The following TRPM2 variants were observed in gnomAD, a reference collection of about 807,000 sequenced individuals.
TRPM2 encodes estrogen-responsive element-associated gene 1 protein.
In TRPM2, 161 loss-of-function variants were observed where a neutral mutation model predicts 174.0. That is an observed-to-expected ratio of 0.93 (90% confidence interval 0.81 to 1.05). The LOEUF (loss-of-function observed/expected upper bound fraction) is 1.05, where lower values mean the gene tolerates loss of function less well. TRPM2 is among the 50% of genes least tolerant of loss of function. TRPM2 has a pLI of 0.00. For missense variants in TRPM2, 2,057 were observed against 2,038.0 expected (o/e 1.01, Z -0.18); for synonymous variants, 954 against 861.3 (o/e 1.11, Z -1.88).
chr21:44,437,226 T>C, intron 29 of TRPM2, 59 bp downstream of exon 29: 2 of 1,466,370 alleles, frequency 1.4e-6, no homozygotes, highest in Non-Finnish European at 1.9e-6. Flanking sequence ...CACTCGTCCA[T>C]TCATCCATTC....
At chr21:44,426,813 G>A (rs1186283879) in intron 26 of TRPM2, 77 bp downstream of exon 26, 14 of 1,566,692 alleles carry the variant, frequency 8.9e-6, no homozygotes, top group African/African-American at 1.4e-5. Flanking sequence ...GAGAATCCCA[G>A]TCAGAGCCCA....
chr21:44,351,002 T>C (rs1029637963), upstream of TRPM2, among the ~76,000 whole-genome samples: 10 of 152,064 alleles, frequency 6.6e-5, no homozygotes, highest in African/African-American at 2.4e-4. Context: ...TTTCAGAAGA[T>C]GCCCGAGCAA....
intron 1 of TRPM2, 118 bp downstream of exon 1, chr21:44,353,983 C>G: frequency 7.9e-7 from 1 of 1,258,586 alleles, no homozygotes; most frequent in East Asian, 2.9e-5. Flanking sequence ...ACCTTGGGGG[C>G]TCCTGCCCAA....
chr21:44,400,507 G>C, intron 15 of TRPM2, 136 bp downstream of exon 15: 1 of 787,660 alleles, frequency 1.3e-6, no homozygotes, highest in Admixed American at 2.6e-5. Flanking sequence ...TGGATCCTGG[G>C]GCTGTAGAGA....
At chr21:44,352,663 T>G (rs2123002462), upstream of TRPM2, among the ~76,000 whole-genome samples, 10 of 152,296 alleles carry the variant, frequency 6.6e-5, no homozygotes, top group East Asian at 1.9e-3. Context: ...ACTGTGGGTG[T>G]CAGGGACTCA....
chr21:44,428,756 C>T (rs906562319), intron 27 of TRPM2, among the ~76,000 whole-genome samples: 4 of 149,010 alleles, frequency 2.7e-5, no homozygotes, highest in Non-Finnish European at 6.0e-5. Context: ...GTGGCTCTTC[C>T]CTGAGGTGTG....
In TRPM2 at chr21:44,367,411, G is replaced by A. The variant is rs1409361918; in HGVS notation, c.604+477G>A. Among the ~76,000 whole-genome samples the A allele has an allele frequency of 2.0e-5, 3 of 152,230 alleles. No homozygotes were observed. Among genetic ancestry groups the A allele is most frequent in the African/African-American group, 7.2e-5 (3 of 41,454 alleles). On this transcript the variant is annotated intron_variant, in intron 4 of 31. Coordinates refer to ENST00000397928, the MANE Select transcript of TRPM2 (RefSeq NM_003307.4). This position sits in a 1 kb window ranked among gnomAD's most constrained non-coding sequence, Gnocchi z 4.6. ...ATCGTGTTTTTCCATCAAAATCAGG[G>A]AAGGAGCATTATTATTTCCATCTCT... is the stretch of plus-strand genomic sequence containing the variant.
chr21:44,356,108 G>A, intron 2 of TRPM2, among the ~76,000 whole-genome samples: 1 of 134,258 alleles, frequency 7.4e-6, no homozygotes, highest in Non-Finnish European at 1.6e-5. Context: ...ACTTTGGGAG[G>A]CCGAGGCAGG....
chr21:44,386,034 C>T (rs146398032), intron 9 of TRPM2, among the ~76,000 whole-genome samples: 317 of 152,258 alleles, frequency 2.1e-3, no homozygotes, highest in African/African-American at 7.5e-3. Flanking sequence ...CTACAACATA[C>T]CCCTGAACTA....
At chr21:44,378,552 C>T (rs2048777765) in intron 7 of TRPM2, among the ~76,000 whole-genome samples, 1 of 152,298 alleles carries the variant, frequency 6.6e-6, no homozygotes, top group East Asian at 1.9e-4. Flanking sequence ...GGCCGATGCT[C>T]ATGCACACGG....
intron 22 of TRPM2, among the ~76,000 whole-genome samples, chr21:44,420,181 TC>T (rs1439605160): frequency 5.3e-5 from 8 of 152,090 alleles, no homozygotes; most frequent in Admixed American, 5.2e-4. Flanking sequence ...AACAGTCTTC[TC>T]CCAGAGAGAG....
rs45516594 is a variant in TRPM2 at position 44,379,002 on chromosome 21, C to T, written c.1020C>T (p.Ile340=). 12,914 of 1,604,848 alleles carry T rather than the reference C, an allele frequency of 8.0e-3. 547 individuals carry two copies. In the African/African-American group the frequency reaches 0.1, roughly 13 times the overall value. ...LEGGPGTLHT[I]DNATTNGTPC... Reference sequence around the variant, plus strand: ...CACCCCCACCTGCCTTGCAGACCATCGACAACGCCACCACCAACGGCACCC... The same window carrying T: ...CACCCCCACCTGCCTTGCAGACCATTGACAACGCCACCACCAACGGCACCC... Residue 340 remains isoleucine (I), a synonymous_variant, in exon 8 of 32, where the codon ATC becomes ATT. Transcript: ENST00000397928.
intron 8 of TRPM2, among the ~76,000 whole-genome samples, chr21:44,381,845 T>C (rs1602176962): frequency 1.3e-5 from 2 of 150,816 alleles, no homozygotes; most frequent in African/African-American, 4.9e-5. Context: ...AGGTGGAGGT[T>C]GCAGTGACCC....
At chr21:44,405,036 A>G in intron 16 of TRPM2, 106 bp from the exon 17 acceptor site, 5 of 1,450,666 alleles carry the variant, frequency 3.4e-6, no homozygotes, top group Non-Finnish European at 4.8e-6. Flanking sequence ...TAGTGATGAT[A>G]GTGACAGTGA....
intron 13 of TRPM2, among the ~76,000 whole-genome samples, chr21:44,398,825 G>A (rs1469571422): frequency 1.3e-5 from 2 of 152,168 alleles, no homozygotes; most frequent in African/African-American, 2.4e-5. Flanking sequence ...GCCTCTGGCT[G>A]CGTGACTCCT....
At chr21:44,430,055 T>C (rs1251330972) in intron 27 of TRPM2, among the ~76,000 whole-genome samples, 1 of 152,200 alleles carries the variant, frequency 6.6e-6, no homozygotes, top group African/African-American at 2.4e-5. Flanking sequence ...AGCCAATTAG[T>C]GTGTGAATTA....
Position 44,359,755 on chromosome 21 carries a change from A to T in TRPM2, c.255-4359A>T, listed in dbSNP as rs184740715. ...TACACATATATATGTATATATATAT[A>T]TATTTTTTTTGAGACGGAGTCTTGC... On this transcript the variant is annotated intron_variant, in intron 2 of 31. Coordinates refer to ENST00000397928, the MANE Select transcript of TRPM2 (RefSeq NM_003307.4). Among the ~76,000 whole-genome samples, 733 of 141,896 alleles carry T rather than the reference A, an allele frequency of 5.2e-3. 9 individuals carry two copies. Among genetic ancestry groups the T allele is most frequent in the African/African-American group, 0.018 (686 of 37,894 alleles). 93.1% of individuals were successfully genotyped at this position (141,896 alleles called of 152,430 possible).
At position 44,435,218 on chromosome 21, in the gene TRPM2, G is replaced by A. The variant is rs1397499574; in HGVS notation, c.4061+1G>A. 1 of 1,611,616 alleles carries A rather than the reference G, an allele frequency of 6.2e-7. No homozygotes were observed. The highest frequency in any genetic ancestry group is 1.1e-5 in the South Asian group (1 of 91,002). On this transcript the variant is annotated splice_donor_variant, in intron 28 of 31. Transcript: ENST00000397928. LOFTEE classifies it high-confidence loss of function. ...ACACGCTGTACCCCATGGTCACGCG[G>A]TGAGTTCATGTGTGCCGGGCACCAG...
At chr21:44,377,946 T>C (rs1602166468) in intron 7 of TRPM2, among the ~76,000 whole-genome samples, 173 bp downstream of exon 7, 1 of 152,064 alleles carries the variant, frequency 6.6e-6, no homozygotes, top group Non-Finnish European at 1.5e-5. Flanking sequence ...TCTGGGTGGG[T>C]GGAGGACGGG....
Sources: allele counts gnomAD v4.1 joint callset (sites outside exome capture counted in the v4.1 genomes callset), GRCh38; gene constraint gnomAD v4.1.1; non-coding constraint Gnocchi (gnomAD v3.1); transcripts MANE v1.5; gene names NCBI Gene and HGNC (gene_info 2026-07-23, HGNC 2026-07-21).